The following ST6GALNAC5 variants were observed in gnomAD, a reference collection of about 807,000 sequenced individuals.
The protein encoded by ST6GALNAC5 is alpha-N-acetylgalactosaminide alpha-2,6-sialyltransferase 5.
Under a neutral mutation model 33.6 loss-of-function variants are expected in ST6GALNAC5, and 27 were observed. That is an observed-to-expected ratio of 0.80 (90% CI 0.59 to 1.11). ST6GALNAC5 has a LOEUF of 1.11. Ranked by LOEUF, ST6GALNAC5 falls within the 50% of genes least tolerant of loss-of-function variation. ST6GALNAC5 has a pLI of 0.00. For synonymous variants in ST6GALNAC5, 194 were observed against 171.2 expected, an observed-to-expected ratio of 1.13 and a Z score of -1.04; for missense variants, 428 against 454.0, an observed-to-expected ratio of 0.94 and a Z score of 0.52.
intron 4 of ST6GALNAC5, among the ~76,000 whole-genome samples, chr1:77,054,983 A>G (rs1407376623): frequency 6.6e-6 from 1 of 152,124 alleles, no homozygotes; most frequent in Non-Finnish European, 1.5e-5. Context: ...TAACTGACTC[A>G]AAGTCATTTG....
intron 2 of ST6GALNAC5, among the ~76,000 whole-genome samples, chr1:76,932,184 G>A (rs1647149701): frequency 6.6e-6 from 1 of 152,104 alleles, no homozygotes; most frequent in African/African-American, 2.4e-5. Flanking sequence ...TGCAAGAGAT[G>A]TTTATGTCTG....
intron 2 of ST6GALNAC5, among the ~76,000 whole-genome samples, chr1:76,963,525 G>C (rs113112813): frequency 0.019 from 2,907 of 152,276 alleles, 38 homozygotes; most frequent in Non-Finnish European, 0.027. Context: ...TTGAAGAATG[G>C]GGTGTCCAAA....
At chr1:76,912,718 T>C (rs1192285297) in intron 2 of ST6GALNAC5, among the ~76,000 whole-genome samples, 1 of 151,946 alleles carries the variant, frequency 6.6e-6, no homozygotes, top group African/African-American at 2.4e-5. Flanking sequence ...TGGTTTAAAG[T>C]CTGTTTTATC....
At chr1:77,016,474 T>A (rs568260670) in intron 2 of ST6GALNAC5, among the ~76,000 whole-genome samples, 9 of 152,136 alleles carry the variant, frequency 5.9e-5, no homozygotes, top group African/African-American at 2.2e-4. Flanking sequence ...CTGGAGGTAA[T>A]GCCTTTTCTA....
At chr1:76,889,069 C>T (rs1653959146) in intron 2 of ST6GALNAC5, among the ~76,000 whole-genome samples, 1 of 152,022 alleles carries the variant, frequency 6.6e-6, no homozygotes, top group Non-Finnish European at 1.5e-5. Flanking sequence ...CCCAGTCACA[C>T]CCCCATCCCT....
At chr1:77,035,984 A>C (rs1246590854) in intron 2 of ST6GALNAC5, among the ~76,000 whole-genome samples, 1 of 152,268 alleles carries the variant, frequency 6.6e-6, no homozygotes, top group Non-Finnish European at 1.5e-5. Flanking sequence ...TATTCACAAT[A>C]ACCAAAAAAT....
At chr1:77,005,081 C>A (rs1449825006) in intron 2 of ST6GALNAC5, among the ~76,000 whole-genome samples, 2 of 151,830 alleles carry the variant, frequency 1.3e-5, no homozygotes, top group Non-Finnish European at 2.9e-5. Flanking sequence ...GCGGGCGCCC[C>A]TCCCCCAGCC....
intron 2 of ST6GALNAC5, among the ~76,000 whole-genome samples, chr1:76,883,653 T>C (rs1190554933): frequency 2.0e-5 from 3 of 152,240 alleles, no homozygotes; most frequent in East Asian, 3.8e-4. Flanking sequence ...TATAGTACCA[T>C]GACAGGCAGG....
rs745720751 is a variant in ST6GALNAC5 at position 76,868,554 on chromosome 1, G to A, written c.73G>A (p.Val25Met). ...CACCATGTGCACCAGCTTGTTGCTAGTGTACAGCAGCCTCGGCGGCCAGAA... is the reference window on the plus strand; with the variant it reads ...CACCATGTGCACCAGCTTGTTGCTAATGTACAGCAGCCTCGGCGGCCAGAA... ...LTTMCTSLLL[V>M]YSSLGGQKER... Residue 25 changes from valine (V) to methionine (M), a missense_variant, in exon 2 of 5, where the codon GTG (valine) becomes ATG (methionine). Coordinates refer to ENST00000477717, the MANE Select transcript of ST6GALNAC5 (RefSeq NM_030965.3). The surrounding 1 kb of genome is among the most constrained non-coding windows in gnomAD (Gnocchi z 4.3). 7.4e-6 allele frequency: 12 copies of A among 1,613,430 alleles called. No individual in the cohort carries two copies. Among genetic ancestry groups the A allele is most frequent in the Non-Finnish European group, 1.0e-5 (12 of 1,179,594 alleles).
At chr1:76,961,426 T>C (rs1189742820) in intron 2 of ST6GALNAC5, among the ~76,000 whole-genome samples, 2 of 152,208 alleles carry the variant, frequency 1.3e-5, no homozygotes. Flanking sequence ...AATTGGGTGA[T>C]GTCAGCCTCC....
chr1:77,023,552 C>T (rs138989598), intron 2 of ST6GALNAC5, among the ~76,000 whole-genome samples: 15 of 152,200 alleles, frequency 9.9e-5, no homozygotes, highest in Middle Eastern at 3.4e-3. Flanking sequence ...TCCAGAGCCA[C>T]TCAGAACTGC....
intron 2 of ST6GALNAC5, among the ~76,000 whole-genome samples, chr1:77,002,003 A>G (rs1357684420): frequency 6.6e-6 from 1 of 152,210 alleles, no homozygotes; most frequent in Admixed American, 6.5e-5. Context: ...TGCTGGCCTC[A>G]TAAAATGAGT....
intron 2 of ST6GALNAC5, among the ~76,000 whole-genome samples, chr1:76,925,492 G>C (rs549570863): frequency 6.6e-6 from 1 of 152,190 alleles, no homozygotes; most frequent in African/African-American, 2.4e-5. Flanking sequence ...ATTAAAAAGA[G>C]TGAGTTCTTT....
At chr1:76,979,745 G>T (rs923609802) in intron 2 of ST6GALNAC5, among the ~76,000 whole-genome samples, 1 of 152,170 alleles carries the variant, frequency 6.6e-6, no homozygotes, top group Non-Finnish European at 1.5e-5. Context: ...TGGCCAACAT[G>T]GCAAAACCCC....
At chr1:76,926,662 T>A (rs1647089251) in intron 2 of ST6GALNAC5, among the ~76,000 whole-genome samples, 1 of 152,168 alleles carries the variant, frequency 6.6e-6, no homozygotes, top group Non-Finnish European at 1.5e-5. Context: ...GTACATGCAT[T>A]CTTGTGCTTA....
chr1:76,883,448 T>G (rs1653828431), intron 2 of ST6GALNAC5, among the ~76,000 whole-genome samples: 2 of 152,218 alleles, frequency 1.3e-5, no homozygotes, highest in Admixed American at 1.3e-4. Context: ...ATGAAGAAAT[T>G]TGACCAAGTC....
chr1:77,053,538 C>G (rs555559809), intron 4 of ST6GALNAC5, among the ~76,000 whole-genome samples: 1 of 152,276 alleles, frequency 6.6e-6, no homozygotes, highest in East Asian at 1.9e-4. Context: ...CCATTTCTGC[C>G]TCTCAGAAAC....
At position 76,894,193 on chromosome 1, in the gene ST6GALNAC5, C is replaced by T. The variant is rs74092212; in HGVS notation, c.261+25451C>T. Among the ~76,000 whole-genome samples the T allele has an allele frequency of 3.8e-3, 579 of 152,248 alleles. 5 individuals are homozygous for T. The highest frequency in any genetic ancestry group is 0.013 in the African/African-American group (555 of 41,548). Reference sequence around the variant, plus strand: ...AAATCTTTTAAGTTTCTCCCTTGACCTTTTTGGAAGCTTAAACAGGAACTG... The same window carrying T: ...AAATCTTTTAAGTTTCTCCCTTGACTTTTTTGGAAGCTTAAACAGGAACTG... On this transcript the variant is annotated intron_variant, in intron 2 of 4. Transcript: ENST00000477717.
At chr1:77,051,767 A>G (rs1652227342) in intron 4 of ST6GALNAC5, among the ~76,000 whole-genome samples, 1 of 152,162 alleles carries the variant, frequency 6.6e-6, no homozygotes, top group Non-Finnish European at 1.5e-5. Flanking sequence ...TGCCTCCTCA[A>G]ACCAACAGGC....
Sources: gnomAD v4.1 joint callset for allele counts (sites outside exome capture counted in the v4.1 genomes callset) on GRCh38, gnomAD v4.1.1 for gene constraint, Gnocchi (gnomAD v3.1) non-coding constraint, MANE v1.5 for transcripts, NCBI Gene and HGNC (gene_info 2026-07-23, HGNC 2026-07-21) for gene names.